Variants in DLGAP2 observed in about 807,000 individuals in gnomAD.
DLGAP2 encodes disks large-associated protein 2.
In DLGAP2, 26 loss-of-function variants were observed where a neutral mutation model predicts 100.3. The ratio of observed to expected loss-of-function variants is 0.26; its 90% CI spans 0.19 to 0.36. DLGAP2 has a LOEUF of 0.36. DLGAP2 is among the 10% of genes least tolerant of loss of function. The pLI is 1.00. For synonymous variants in DLGAP2, 886 were observed against 630.1 expected, an observed-to-expected ratio of 1.41 and a Z score of -6.08; for missense variants, 1,858 against 1,453.2, an observed-to-expected ratio of 1.28 and a Z score of -4.53.
In DLGAP2 at chr8:1,168,806, G is replaced by A. The variant is rs1239124655; in HGVS notation, c.74-90045G>A. ...GCCCTTTGTCAGATGAGTAGGTTGC[G>A]AAAATTTTCTCCCATGTTGTAGGTT... On this transcript the variant is annotated intron_variant, in intron 2 of 14. Coordinates refer to ENST00000637795, the MANE Select transcript of DLGAP2 (RefSeq NM_001346810.2). 7.4e-3 allele frequency among the ~76,000 whole-genome samples: 908 copies of A among 123,284 alleles called. 50 individuals are homozygous for A. The highest frequency in any genetic ancestry group is 0.054 in the East Asian group (242 of 4,454). 80.9% of individuals were successfully genotyped at this position (123,284 alleles called of 152,430 possible). A position where few individuals can be genotyped will look rare whatever the true frequency, so the allele number is the denominator to read the frequency against.
chr8:1,013,128 C>T (rs965350522), intron 2 of DLGAP2, among the ~76,000 whole-genome samples: 1 of 152,130 alleles, frequency 6.6e-6, no homozygotes, highest in Non-Finnish European at 1.5e-5. Flanking sequence ...TTCCCTGTTC[C>T]AGTTTTTGAT....
chr8:750,740 C>T (rs956220495), intron 1 of DLGAP2, among the ~76,000 whole-genome samples: 2 of 152,252 alleles, frequency 1.3e-5, no homozygotes, highest in African/African-American at 2.4e-5. Flanking sequence ...GGCTCGCCGT[C>T]TGCAGTGTTT....
intron 1 of DLGAP2, among the ~76,000 whole-genome samples, chr8:877,701 G>A (rs1020578104): frequency 6.6e-6 from 1 of 152,160 alleles, no homozygotes; most frequent in Non-Finnish European, 1.5e-5. Flanking sequence ...CCTGTGTCTT[G>A]AATCTCTTCC....
intron 1 of DLGAP2, among the ~76,000 whole-genome samples, chr8:897,221 G>A (rs1798159230): frequency 5.9e-5 from 9 of 152,144 alleles, no homozygotes; most frequent in Admixed American, 5.9e-4. Context: ...TATTTCACAG[G>A]TGTTTGTCAC....
chr8:1,456,021 G>T lies in DLGAP2; in HGVS notation c.107-45345G>T, dbSNP rs75385375. On this transcript the variant is annotated intron_variant, in intron 3 of 14. Coordinates refer to ENST00000637795, the MANE Select transcript of DLGAP2 (RefSeq NM_001346810.2). ...GATGCCCCATGATGCACACCAGCCC[G>T]ATGGCCGCTCGCTGATTGGATTCTG... Among the ~76,000 whole-genome samples, 172 of 152,286 alleles carry T rather than the reference G, an allele frequency of 1.1e-3. 1 individual carries two copies. The highest frequency in any genetic ancestry group is 3.9e-3 in the African/African-American group (161 of 41,558).
In DLGAP2 at chr8:1,561,700, G is replaced by T. The variant is rs1022829072; in HGVS notation, c.1231-3983G>T. Among the ~76,000 whole-genome samples, 259 of 148,496 alleles carry T rather than the reference G, an allele frequency of 1.7e-3. 3 individuals carry two copies. The highest frequency in any genetic ancestry group is 6.1e-3 in the African/African-American group (238 of 39,118). ...GTTGGGTGTCCGCGCCTCGTTACTG[G>T]GGGACTGTGTGGTGTTGGGGTGTCC... On this transcript the variant is annotated intron_variant, in intron 5 of 14. Coordinates refer to ENST00000637795, the MANE Select transcript of DLGAP2 (RefSeq NM_001346810.2).
At chr8:1,518,833 A>C (rs976065906) in intron 4 of DLGAP2, among the ~76,000 whole-genome samples, 1 of 152,204 alleles carries the variant, frequency 6.6e-6, no homozygotes, top group South Asian at 2.1e-4. Context: ...AAATGATTGT[A>C]TGTGTGTGCA....
At chr8:1,141,206 G>A (rs1002428018) in intron 2 of DLGAP2, among the ~76,000 whole-genome samples, 1 of 152,136 alleles carries the variant, frequency 6.6e-6, no homozygotes, top group African/African-American at 2.4e-5. Context: ...AAGCAGATGT[G>A]GGAGTGACAG....
At chr8:1,683,333 C>T (rs535575776) in intron 12 of DLGAP2, among the ~76,000 whole-genome samples, 2 of 151,604 alleles carry the variant, frequency 1.3e-5, no homozygotes, top group African/African-American at 4.8e-5. Flanking sequence ...CACGCAGAGG[C>T]AGAGAACTGG....
Position 1,323,100 on chromosome 8 carries a change from G to A in DLGAP2, c.106+64217G>A, listed in dbSNP as rs115179905. ...GACTGGAGTGCAATGGCGTGATCTC[G>A]GTTCATGCAACCTCCGCCTCCCAGG... is the stretch of plus-strand genomic sequence containing the variant. On this transcript the variant is annotated intron_variant, in intron 3 of 14. Coordinates refer to ENST00000637795, the MANE Select transcript of DLGAP2 (RefSeq NM_001346810.2). Among the ~76,000 whole-genome samples, 1,038 of 151,092 alleles carry A rather than the reference G, an allele frequency of 6.9e-3. 10 individuals carry two copies. Among genetic ancestry groups the A allele is most frequent in the African/African-American group, 0.023 (961 of 41,062 alleles).
intron 2 of DLGAP2, among the ~76,000 whole-genome samples, chr8:981,103 C>G (rs988790718): frequency 1.3e-5 from 2 of 152,114 alleles, no homozygotes; most frequent in Admixed American, 6.5e-5. Context: ...GACCCTGCAC[C>G]TGTAACCTAC....
chr8:1,582,307 A>AGCCCCACACACATGTACACAC (rs1292749651), intron 6 of DLGAP2, among the ~76,000 whole-genome samples: 1 of 102,276 alleles, frequency 9.8e-6, no homozygotes, highest in African/African-American at 5.2e-5. Context: ...GATACAGATA[A>AGCCCCACACACATGTACACAC]AACCTTAAAA....
At chr8:1,455,701 G>C (rs578008723) in intron 3 of DLGAP2, among the ~76,000 whole-genome samples, 1 of 152,158 alleles carries the variant, frequency 6.6e-6, no homozygotes, top group African/African-American at 2.4e-5. Context: ...TCACATCCAC[G>C]CCCCCCATTT....
intron 10 of DLGAP2, among the ~76,000 whole-genome samples, chr8:1,671,670 C>A (rs547026120): frequency 6.6e-6 from 1 of 152,350 alleles, no homozygotes; most frequent in South Asian, 2.1e-4. Context: ...AGTGAGGGTC[C>A]TCAGCTCACA....
intron 3 of DLGAP2, among the ~76,000 whole-genome samples, chr8:1,281,326 G>A (rs1045146232): frequency 2.0e-5 from 3 of 152,156 alleles, no homozygotes; most frequent in African/African-American, 7.2e-5. Flanking sequence ...TCCGCCCCTC[G>A]CTCCCGGCGA....
intron 2 of DLGAP2, among the ~76,000 whole-genome samples, chr8:1,013,471 C>A (rs6990403): frequency 0.34 from 50,951 of 151,668 alleles, 8,711 homozygotes; most frequent in Admixed American, 0.4. Context: ...GGCAGATGAG[C>A]CAGCCTTTCC....
chr8:1,607,703 C>T (rs926885142), intron 6 of DLGAP2, among the ~76,000 whole-genome samples: 1 of 152,252 alleles, frequency 6.6e-6, no homozygotes. Flanking sequence ...CGAGCCGAAG[C>T]AGGGCGAGGC....
At chr8:852,359 G>C (rs893636895) in intron 1 of DLGAP2, among the ~76,000 whole-genome samples, 34 of 152,116 alleles carry the variant, frequency 2.2e-4, no homozygotes, top group South Asian at 8.3e-4. Flanking sequence ...TGAAATCTGA[G>C]ATTGGCTTTT....
At position 1,460,278 on chromosome 8, in the gene DLGAP2, G is replaced by A. The variant is rs376523312; in HGVS notation, c.107-41088G>A. On this transcript the variant is annotated intron_variant, in intron 3 of 14. Transcript: ENST00000637795. The stretch of plus-strand genomic sequence containing the variant: ...TGTTCTCTGTGTACAAGTGGCTTAT[G>A]ATCGAACTTGTGTCTTATGACTATT... 5.9e-5 allele frequency among the ~76,000 whole-genome samples: 9 copies of A among 152,332 alleles called. No individual in the cohort carries two copies. In the East Asian group the frequency reaches 1.7e-3, roughly 29 times the overall value.
Sources: gnomAD v4.1 joint callset for allele counts (sites outside exome capture counted in the v4.1 genomes callset) on GRCh38, gnomAD v4.1.1 for gene constraint, MANE v1.5 for transcripts, NCBI Gene and HGNC (gene_info 2026-07-23, HGNC 2026-07-21) for gene names.